TRIP12: variants seen among roughly 807,000 people sequenced by gnomAD.
TRIP12 encodes E3 ubiquitin-protein ligase TRIP12.
Under a neutral mutation model 244.2 loss-of-function variants are expected in TRIP12, and 25 were observed. The ratio of observed to expected loss-of-function variants is 0.10; its 90% CI spans 0.07 to 0.14. The LOEUF (loss-of-function observed/expected upper bound fraction) is 0.14, where lower values mean the gene tolerates loss of function less well. Among genes scored for constraint, TRIP12 ranks in the 10% least tolerant of loss-of-function variants. The pLI is 1.00. For synonymous variants in TRIP12, 905 were observed against 873.1 expected (o/e 1.04, Z -0.64); for missense variants, 1,677 against 2,486.4 (o/e 0.67, Z 6.92).
chr2:229,786,713 C>T (rs1016276958), intron 33 of TRIP12, among the ~76,000 whole-genome samples: 6 of 151,586 alleles, frequency 4.0e-5, no homozygotes, highest in Admixed American at 6.6e-5. Flanking sequence ...CACCACACAC[C>T]GGGCCCAAGA....
intron 1 of TRIP12, among the ~76,000 whole-genome samples, chr2:229,897,329 CA>C (rs1183377609): frequency 1.3e-5 from 2 of 152,164 alleles, no homozygotes; most frequent in East Asian, 3.8e-4. Flanking sequence ...CTTCTCTCAG[CA>C]ACCAATATAA....
At chr2:229,769,144 T>G (rs536539396) in intron 40 of TRIP12, 87 bp downstream of exon 40, 1 of 1,132,970 alleles carries the variant, frequency 8.8e-7, no homozygotes, top group East Asian at 2.6e-5. Context: ...TTTTGTTGTT[T>G]ACACATGTGC....
intron 1 of TRIP12, among the ~76,000 whole-genome samples, chr2:229,897,602 G>A (rs1205044215): frequency 1.3e-5 from 2 of 152,234 alleles, no homozygotes; most frequent in African/African-American, 2.4e-5. Flanking sequence ...AGCTGAGATC[G>A]TGCCACTGCA....
rs60559690 is a variant in TRIP12 at position 229,774,051 on chromosome 2, C to T, written c.5694+46G>A. Reference sequence around the variant, plus strand: ...AAGCAAGGTACAATCAGGCAAAGTCCTCCGTCTTCACAACTGGCCTACCCC... The same window carrying T: ...AAGCAAGGTACAATCAGGCAAAGTCTTCCGTCTTCACAACTGGCCTACCCC... On this transcript the variant is annotated intron_variant, in intron 38 of 41. Transcript: ENST00000675903. The T allele has an allele frequency of 5.0e-6, 8 of 1,584,332 alleles. No homozygotes were observed. The East Asian group carries it at 1.1e-4, about 22-fold the overall frequency.
intron 1 of TRIP12, among the ~76,000 whole-genome samples, chr2:229,914,264 A>G (rs924734344): frequency 2.0e-5 from 3 of 152,216 alleles, no homozygotes; most frequent in African/African-American, 7.2e-5. Flanking sequence ...GTGTCAATTC[A>G]AGTAGACAAA....
intron 8 of TRIP12, among the ~76,000 whole-genome samples, chr2:229,824,395 T>G (rs188140303): frequency 3.9e-5 from 6 of 152,210 alleles, no homozygotes; most frequent in Admixed American, 3.3e-4. Flanking sequence ...TTGCAACACC[T>G]ACAAAAACAT....
chr2:229,819,829 A>G (rs534997816), intron 8 of TRIP12, among the ~76,000 whole-genome samples: 108 of 152,300 alleles, frequency 7.1e-4, no homozygotes, highest in Admixed American at 1.5e-3. Context: ...AATAATTTCA[A>G]CTGAGCTTCA....
chr2:229,808,936 G>T (rs74001434), intron 15 of TRIP12, among the ~76,000 whole-genome samples: 1 of 152,088 alleles, frequency 6.6e-6, no homozygotes, highest in East Asian at 1.9e-4. Flanking sequence ...AGGACTCTGC[G>T]TGATAACCAC....
Position 229,803,848 on chromosome 2 carries a change from C to T in TRIP12, c.2879+151G>A, listed in dbSNP as rs138635574. 520 of 819,360 alleles carry T rather than the reference C, an allele frequency of 6.3e-4. 2 individuals are homozygous for T. In the African/African-American group the frequency reaches 7.6e-3, roughly 12 times the overall value. 50.8% of individuals were successfully genotyped at this position (819,360 alleles called of 1,614,324 possible). ...GCTCAAGTTTTATATTTTATAAAAG[C>T]TATTATGTGAATATAAATAGACAAA... On this transcript the variant is annotated intron_variant, in intron 19 of 41. Transcript: ENST00000675903.
chr2:229,901,969 T>C (rs371871825), intron 1 of TRIP12, among the ~76,000 whole-genome samples: 2 of 152,200 alleles, frequency 1.3e-5, no homozygotes, highest in East Asian at 3.8e-4. Context: ...GGATGAGTCA[T>C]GATTGGGCTA....
At chr2:229,877,774 AAGAC>A (rs1382173034) in intron 2 of TRIP12, among the ~76,000 whole-genome samples, 47 of 152,348 alleles carry the variant, frequency 3.1e-4, no homozygotes, top group African/African-American at 1.1e-3. Context: ...AGTTTTTTAA[AAGAC>A]AGAAGAAATG....
At chr2:229,839,340 A>G (rs2055727926) in intron 5 of TRIP12, among the ~76,000 whole-genome samples, 2 of 152,156 alleles carry the variant, frequency 1.3e-5, no homozygotes, top group Admixed American at 6.5e-5. Flanking sequence ...GCATGGCAAA[A>G]TCACCTAATG....
In TRIP12 at chr2:229,789,649, A is replaced by C. The variant is rs748933014; in HGVS notation, c.4657T>G (p.Leu1553Val). ...TACCAGTATCGACTGATAGCATGTA[A>C]AACTCTTAAAAGAAGGATCACATCT... The part of the protein sequence containing the change: ...SLDVILLLRV[L>V]HAISRYWYYL... Residue 1553 changes from leucine to valine, a missense_variant, in exon 31 of 42, where the codon TTA becomes GTA. This residue lies in a region of TRIP12 where 265 missense variants were observed against 370.8 expected (regional missense o/e 0.71). Coordinates refer to ENST00000675903, the MANE Select transcript of TRIP12 (RefSeq NM_001348323.3). 2 of 1,613,936 alleles carry C rather than the reference A, an allele frequency of 1.2e-6. No homozygotes were observed. Among genetic ancestry groups the C allele is most frequent in the African/African-American group, 1.3e-5 (1 of 74,926 alleles).
intron 9 of TRIP12, among the ~76,000 whole-genome samples, chr2:229,815,510 C>T (rs766430286): frequency 2.7e-5 from 4 of 149,956 alleles, no homozygotes; most frequent in Admixed American, 6.6e-5. Context: ...ACGGTGACTC[C>T]GACTTGAGTA....
rs575683348 is a variant in TRIP12, at chr2:229,907,136, G to A, written c.-50+14744C>T. 2.0e-4 allele frequency among the ~76,000 whole-genome samples: 30 copies of A among 152,282 alleles called. No individual in the cohort carries two copies. In the East Asian group the frequency reaches 5.6e-3, roughly 28 times the overall value. On this transcript the variant is annotated intron_variant, in intron 1 of 41. Transcript: ENST00000675903. ...TAAAAATAAATACACACTGTTGACT[G>A]TAACTTTATACATTGCCACCAACTG...
intron 8 of TRIP12, among the ~76,000 whole-genome samples, chr2:229,821,063 A>C (rs904603796): frequency 2.6e-5 from 4 of 152,238 alleles, no homozygotes; most frequent in Non-Finnish European, 4.4e-5. Flanking sequence ...TGTTCCAAAG[A>C]GTATTAAAAA....
intron 18 of TRIP12, among the ~76,000 whole-genome samples, chr2:229,805,047 A>T (rs2045498402): frequency 6.6e-6 from 1 of 152,028 alleles, no homozygotes; most frequent in Non-Finnish European, 1.5e-5. Flanking sequence ...CTGGGACTAC[A>T]GGCGCCCACC....
At chr2:229,856,298 A>G (rs908303541) in intron 4 of TRIP12, among the ~76,000 whole-genome samples, 1 of 152,172 alleles carries the variant, frequency 6.6e-6, no homozygotes, top group Non-Finnish European at 1.5e-5. Context: ...TTAAAATACT[A>G]AATTAGTTTG....
At chr2:229,838,240 C>A (rs544486701) in intron 5 of TRIP12, among the ~76,000 whole-genome samples, 3 of 152,172 alleles carry the variant, frequency 2.0e-5, no homozygotes, top group Admixed American at 2.0e-4. Context: ...TCATTCCCAA[C>A]CCATTTTACA....
Sources: gnomAD v4.1 joint callset for allele counts (sites outside exome capture counted in the v4.1 genomes callset) on GRCh38, gnomAD v4.1.1 for gene constraint, gnomAD v4.1.1 regional missense constraint, MANE v1.5 for transcripts, NCBI Gene and HGNC (gene_info 2026-07-23, HGNC 2026-07-21) for gene names.